ZNF385D: variants seen among roughly 807,000 people sequenced by gnomAD.
ZNF385D encodes zinc finger protein 659.
Under a neutral mutation model 35.8 loss-of-function variants are expected in ZNF385D, and 15 were observed. The observed-to-expected ratio is 0.42, with a 90% CI of 0.28 to 0.64. ZNF385D has a LOEUF of 0.64. Among genes scored for constraint, ZNF385D ranks in the 30% least tolerant of loss-of-function variants. The probability of loss-of-function intolerance (pLI) is 0.23; values close to 1 mark genes in which losing one functional copy is unlikely to be tolerated. For missense variants in ZNF385D, 474 were observed against 494.6 expected, an observed-to-expected ratio of 0.96 and a Z score of 0.39; for synonymous variants, 212 against 186.8, an observed-to-expected ratio of 1.13 and a Z score of -1.10.
chr3:21,752,271 T>C (rs935718265), upstream of ZNF385D, among the ~76,000 whole-genome samples: 7 of 152,144 alleles, frequency 4.6e-5, no homozygotes, highest in African/African-American at 1.7e-4. Flanking sequence ...CCAATTTACG[T>C]ACTGGAACAT....
At chr3:21,713,038 G>A (rs546254884) in intron 1 of ZNF385D, among the ~76,000 whole-genome samples, 1 of 152,092 alleles carries the variant, frequency 6.6e-6, no homozygotes, top group Non-Finnish European at 1.5e-5. Flanking sequence ...TCTTTCACTT[G>A]CCCACTATGC....
At chr3:22,125,279 T>C (rs534684404) in intron 3 of ZNF385D, among the ~76,000 whole-genome samples, 2 of 152,302 alleles carry the variant, frequency 1.3e-5, no homozygotes, top group African/African-American at 4.8e-5. Context: ...TGTATGCATC[T>C]GTTTTTAAGT....
At chr3:21,819,652 T>C (rs1464676469) in intron 3 of ZNF385D, among the ~76,000 whole-genome samples, 2 of 146,552 alleles carry the variant, frequency 1.4e-5, no homozygotes, top group Admixed American at 6.9e-5. Context: ...CTATATTATA[T>C]ATTTATGTGT....
Position 22,125,056 on chromosome 3 carries a change from A to C in ZNF385D, c.325+43761T>G, listed in dbSNP as rs139851739. Among the ~76,000 whole-genome samples, 239 of 152,272 alleles carry C rather than the reference A, an allele frequency of 1.6e-3. 1 individual carries two copies. The highest frequency in any genetic ancestry group is 5.7e-3 in the African/African-American group (235 of 41,570). On this transcript the variant is annotated intron_variant, in intron 3 of 5. Coordinates refer to the ZNF385D transcript ENST00000494108. ...TAGCAGTTTCATAGTTTGAGATCTTAGATTTAAGCCTATAATCGACTTTAA... is the reference window on the plus strand; with the variant it reads ...TAGCAGTTTCATAGTTTGAGATCTTCGATTTAAGCCTATAATCGACTTTAA...
intron 3 of ZNF385D, among the ~76,000 whole-genome samples, chr3:21,833,588 C>G (rs913905315): frequency 2.0e-5 from 3 of 152,178 alleles, no homozygotes; most frequent in Non-Finnish European, 4.4e-5. Context: ...TTTTGGACTT[C>G]TGACCCTCAG....
At chr3:21,701,130 A>G (rs1220485559) in intron 1 of ZNF385D, among the ~76,000 whole-genome samples, 1 of 152,168 alleles carries the variant, frequency 6.6e-6, no homozygotes. Flanking sequence ...ACCCTCTACC[A>G]AACCTTCTGT....
chr3:22,021,729 A>G (rs1185788942), intron 3 of ZNF385D, among the ~76,000 whole-genome samples: 3 of 152,054 alleles, frequency 2.0e-5, no homozygotes, highest in Non-Finnish European at 4.4e-5. Flanking sequence ...GGAATGAGGA[A>G]AGCCTGGTTC....
At chr3:21,873,185 T>A (rs932539635) in intron 3 of ZNF385D, among the ~76,000 whole-genome samples, 1 of 152,184 alleles carries the variant, frequency 6.6e-6, no homozygotes, top group Non-Finnish European at 1.5e-5. Context: ...GGATTTGATA[T>A]ATGAACATAG....
At chr3:21,829,939 C>G (rs1264189210) in intron 3 of ZNF385D, among the ~76,000 whole-genome samples, 1 of 151,974 alleles carries the variant, frequency 6.6e-6, no homozygotes, top group Non-Finnish European at 1.5e-5. Context: ...GCCTGGCCAA[C>G]ATGGTGAAAC....
chr3:22,086,878 A>G (rs900204324), intron 3 of ZNF385D, among the ~76,000 whole-genome samples: 3 of 152,096 alleles, frequency 2.0e-5, no homozygotes, highest in Non-Finnish European at 4.4e-5. Flanking sequence ...GTGGGAATTG[A>G]ACAATGAGAA....
chr3:21,951,088 C>A (rs548564480), intron 3 of ZNF385D, among the ~76,000 whole-genome samples: 2 of 151,684 alleles, frequency 1.3e-5, no homozygotes, highest in South Asian at 4.2e-4. Context: ...TGAAGAAAGT[C>A]AATGGTAGCT....
chr3:22,327,429 A>AC (rs200987879), intron 2 of ZNF385D, among the ~76,000 whole-genome samples: 2,245 of 152,322 alleles, frequency 0.015, 41 homozygotes, highest in African/African-American at 0.032. Context: ...ACATTAACTA[A>AC]CCCATCCTGA....
intron 3 of ZNF385D, among the ~76,000 whole-genome samples, chr3:22,110,498 C>T (rs1018914656): frequency 1.3e-4 from 20 of 151,936 alleles, no homozygotes; most frequent in East Asian, 5.8e-4. Context: ...GGGACACGGA[C>T]GAAGCTGGAA....
chr3:21,641,435 A>G (rs903441512), intron 2 of ZNF385D, among the ~76,000 whole-genome samples: 7 of 151,634 alleles, frequency 4.6e-5, no homozygotes, highest in African/African-American at 1.5e-4. Flanking sequence ...ATTATTTATT[A>G]TTATTATTGT....
rs1271278519 is a variant in ZNF385D at position 21,986,417 on chromosome 3, T to C, written c.325+182400A>G. Among the ~76,000 whole-genome samples the C allele has an allele frequency of 1.7e-3, 187 of 109,834 alleles. 1 individual carries two copies. Among genetic ancestry groups the C allele is most frequent in the Non-Finnish European group, 2.3e-3 (138 of 58,800 alleles). 72.1% of individuals were successfully genotyped at this position (109,834 alleles called of 152,430 possible). On this transcript the variant is annotated intron_variant, in intron 3 of 5. Transcript: ENST00000494108. ...AACATCTTTATTTCTGCCTTCATTTTGTTATGTACCCAGTAGTCATTCAGG... is the reference window on the plus strand; with the variant it reads ...AACATCTTTATTTCTGCCTTCATTTCGTTATGTACCCAGTAGTCATTCAGG...
At chr3:21,707,985 C>A (rs114543593) in intron 1 of ZNF385D, among the ~76,000 whole-genome samples, 1,547 of 152,196 alleles carry the variant, frequency 0.01, 21 homozygotes, top group African/African-American at 0.035. Context: ...AGTCCTGGGT[C>A]CGGCACTACG....
intron 3 of ZNF385D, among the ~76,000 whole-genome samples, chr3:21,862,416 A>G (rs754006845): frequency 6.6e-6 from 1 of 152,012 alleles, no homozygotes; most frequent in Non-Finnish European, 1.5e-5. Flanking sequence ...TGAGATTCTT[A>G]TATCACAGTA....
chr3:22,084,548 C>T (rs924824163), intron 3 of ZNF385D, among the ~76,000 whole-genome samples: 3 of 152,162 alleles, frequency 2.0e-5, no homozygotes, highest in African/African-American at 2.4e-5. Context: ...TATATATGCA[C>T]CCAATACAGG....
intron 3 of ZNF385D, among the ~76,000 whole-genome samples, chr3:21,880,104 G>A (rs73040587): frequency 0.067 from 10,160 of 151,920 alleles, 484 homozygotes; most frequent in East Asian, 0.17. Flanking sequence ...TGACATTATG[G>A]TTTCCTACCT....
Sources: gnomAD v4.1 joint callset for allele counts (sites outside exome capture counted in the v4.1 genomes callset) on GRCh38, gnomAD v4.1.1 for gene constraint, MANE v1.5 for transcripts, NCBI Gene and HGNC (gene_info 2026-07-23, HGNC 2026-07-21) for gene names.